The following ZNF385D variants were observed in gnomAD, a reference collection of about 807,000 sequenced individuals.
ZNF385D encodes zinc finger protein 659.
Under a neutral mutation model 35.8 loss-of-function variants are expected in ZNF385D, and 15 were observed. That is an observed-to-expected ratio of 0.42 (90% CI 0.28 to 0.64). The LOEUF is 0.64. ZNF385D is among the 30% of genes least tolerant of loss of function. The pLI is 0.23. For missense variants in ZNF385D, 474 were observed against 494.6 expected (o/e 0.96, Z 0.39); for synonymous variants, 212 against 186.8 (o/e 1.13, Z -1.10).
intron 3 of ZNF385D, among the ~76,000 whole-genome samples, chr3:21,518,269 T>C (rs1320619346): frequency 4.6e-5 from 7 of 152,146 alleles, no homozygotes; most frequent in Non-Finnish European, 8.8e-5. Flanking sequence ...TACATGTGTA[T>C]TTGGGGAATT....
chr3:21,812,821 T>C (rs1355030956), intron 3 of ZNF385D, among the ~76,000 whole-genome samples: 1 of 152,212 alleles, frequency 6.6e-6, no homozygotes. Flanking sequence ...TAAACGTCCC[T>C]GTCTGACAGC....
chr3:21,749,032 G>A (rs926768782), intron 1 of ZNF385D, among the ~76,000 whole-genome samples: 1 of 152,144 alleles, frequency 6.6e-6, no homozygotes, highest in East Asian at 1.9e-4. Context: ...GAATACATAG[G>A]ATTTCCTCTG....
intron 1 of ZNF385D, among the ~76,000 whole-genome samples, chr3:21,749,645 T>A (rs1054814415): frequency 3.3e-5 from 5 of 152,174 alleles, no homozygotes; most frequent in African/African-American, 1.2e-4. Context: ...GGCAATGCAA[T>A]GAAATTGTTT....
rs190056980 is a variant in ZNF385D, at chr3:22,198,306, G to A, written c.107-29271C>T. ...GACAATAATATTCTTAGTTTATGAT[G>A]TTGAGGCAACCACTGATATTTGCAG... On this transcript the variant is annotated intron_variant, in intron 2 of 5. Transcript: ENST00000494108. Among the ~76,000 whole-genome samples, 935 of 152,176 alleles carry A rather than the reference G, an allele frequency of 6.1e-3. 7 individuals carry two copies. Among genetic ancestry groups the A allele is most frequent in the Non-Finnish European group, 8.1e-3 (549 of 67,980 alleles).
chr3:21,649,007 A>G (rs2125209530), intron 2 of ZNF385D, among the ~76,000 whole-genome samples: 1 of 152,276 alleles, frequency 6.6e-6, no homozygotes, highest in South Asian at 2.1e-4. Flanking sequence ...GTAAATCTAC[A>G]ATACAAACCT....
In ZNF385D at chr3:22,023,144, C is replaced by A. The variant is rs1559856808; in HGVS notation, c.325+145673G>T. 2.0e-5 allele frequency among the ~76,000 whole-genome samples: 3 copies of A among 152,224 alleles called. No homozygotes were observed. The South Asian group carries it at 6.2e-4, about 32-fold the overall frequency. On this transcript the variant is annotated intron_variant, in intron 3 of 5. Coordinates refer to the ZNF385D transcript ENST00000494108. ...TTATGGAGGGCACAGAATCACAAGC[C>A]TTCCAAATGATATGGCTGAATTGAA...
At chr3:21,902,303 G>A (rs991967898) in intron 3 of ZNF385D, among the ~76,000 whole-genome samples, 1 of 152,138 alleles carries the variant, frequency 6.6e-6, no homozygotes, top group African/African-American at 2.4e-5. Flanking sequence ...ATTTAACTGA[G>A]ACAAGTATGA....
chr3:22,102,969 C>T (rs1283255625), intron 3 of ZNF385D, among the ~76,000 whole-genome samples: 1 of 148,986 alleles, frequency 6.7e-6, no homozygotes, highest in African/African-American at 2.5e-5. Flanking sequence ...TTACAATGTG[C>T]TTTTTATATA....
chr3:21,511,629 A>C (rs1188978371), intron 3 of ZNF385D: 1 of 453,406 alleles, frequency 2.2e-6, no homozygotes, highest in Non-Finnish European at 4.4e-6. Flanking sequence ...TACCAAGGGT[A>C]GTCTGAGAAG....
chr3:21,766,068 G>GA (rs1035450658), intron 3 of ZNF385D, among the ~76,000 whole-genome samples: 5 of 151,906 alleles, frequency 3.3e-5, no homozygotes, highest in Non-Finnish European at 7.4e-5. Flanking sequence ...TGGCCGAAAG[G>GA]AAAAAAGGAA....
chr3:21,821,776 C>A (rs1272617715), intron 3 of ZNF385D, among the ~76,000 whole-genome samples: 1 of 151,954 alleles, frequency 6.6e-6, no homozygotes, highest in Non-Finnish European at 1.5e-5. Flanking sequence ...GACTGAGCAA[C>A]ACAATGAGAA....
At chr3:21,459,996 C>T (rs1703064682) in intron 4 of ZNF385D, among the ~76,000 whole-genome samples, 1 of 152,132 alleles carries the variant, frequency 6.6e-6, no homozygotes, top group African/African-American at 2.4e-5. Flanking sequence ...GCCCATGTCA[C>T]TAATATTATT....
chr3:21,854,679 TA>T (rs1696607927), intron 3 of ZNF385D, among the ~76,000 whole-genome samples: 1 of 151,984 alleles, frequency 6.6e-6, no homozygotes, highest in Non-Finnish European at 1.5e-5. Context: ...CTCTTTGACT[TA>T]CCAAAAATAC....
At chr3:22,315,097 A>C (rs1703812497) in intron 2 of ZNF385D, among the ~76,000 whole-genome samples, 2 of 152,212 alleles carry the variant, frequency 1.3e-5, no homozygotes, top group Non-Finnish European at 2.9e-5. Context: ...TAATATTCAC[A>C]AATAGAGAAC....
chr3:21,438,866 G>T (rs1484261970), intron 4 of ZNF385D, among the ~76,000 whole-genome samples: 1 of 152,102 alleles, frequency 6.6e-6, no homozygotes, highest in East Asian at 1.9e-4. Context: ...ACACTGAAAG[G>T]TCCACTCCCT....
At chr3:21,911,501 A>G (rs1372142143) in intron 3 of ZNF385D, among the ~76,000 whole-genome samples, 1 of 151,820 alleles carries the variant, frequency 6.6e-6, no homozygotes, top group Non-Finnish European at 1.5e-5. Flanking sequence ...AAGGTTTTTT[A>G]TTTGTATTAT....
chr3:21,446,971 G>A (rs1400897620), intron 4 of ZNF385D, among the ~76,000 whole-genome samples: 2 of 152,154 alleles, frequency 1.3e-5, no homozygotes, highest in Admixed American at 6.5e-5. Context: ...ATTAGAGTTT[G>A]TATATTTCTA....
intron 3 of ZNF385D, among the ~76,000 whole-genome samples, chr3:22,028,436 G>T (rs186949885): frequency 6.6e-6 from 1 of 152,270 alleles, no homozygotes; most frequent in East Asian, 1.9e-4. Context: ...TATGGCCACT[G>T]CTGGATGCCC....
chr3:21,917,859 A>G (rs17010135), intron 3 of ZNF385D, among the ~76,000 whole-genome samples: 17,233 of 152,208 alleles, frequency 0.11, 1,304 homozygotes, highest in South Asian at 0.24. Context: ...TATATCATCA[A>G]TTTAACACTC....
Sources: allele counts gnomAD v4.1 joint callset (sites outside exome capture counted in the v4.1 genomes callset), GRCh38; gene constraint gnomAD v4.1.1; transcripts MANE v1.5; gene names NCBI Gene and HGNC (gene_info 2026-07-23, HGNC 2026-07-21).